Variants in VEGFC observed in about 807,000 individuals in gnomAD.
VEGFC encodes vascular endothelial growth factor C.
In VEGFC, 12 loss-of-function variants were observed where a neutral mutation model predicts 46.1. The ratio of observed to expected loss-of-function variants is 0.26; its 90% CI spans 0.17 to 0.42. The LOEUF (loss-of-function observed/expected upper bound fraction) is 0.42. Ranked by LOEUF, VEGFC falls within the 10% of genes least tolerant of loss-of-function variation. The pLI, the probability that VEGFC is intolerant of heterozygous loss-of-function variation, is 1.00. For synonymous variants in VEGFC, 232 were observed against 195.5 expected (o/e 1.19, Z -1.56); for missense variants, 488 against 529.4 (o/e 0.92, Z 0.77).
chr4:176,697,525 A>C (rs1212880301), intron 4 of VEGFC, among the ~76,000 whole-genome samples: 1 of 150,622 alleles, frequency 6.6e-6, no homozygotes, highest in Admixed American at 6.6e-5. Flanking sequence ...GAACACTTTT[A>C]CACTGTTGGT....
intron 1 of VEGFC, among the ~76,000 whole-genome samples, chr4:176,773,458 C>G (rs1181020366): frequency 6.6e-6 from 1 of 151,930 alleles, no homozygotes; most frequent in East Asian, 1.9e-4. Flanking sequence ...AGTGAAATCA[C>G]CAGAGAATGA....
chr4:176,788,497 A>G (rs1302976290), intron 1 of VEGFC, among the ~76,000 whole-genome samples: 1 of 152,210 alleles, frequency 6.6e-6, no homozygotes, highest in Non-Finnish European at 1.5e-5. Flanking sequence ...ACATTTCTCT[A>G]AAACATACAT....
At chr4:176,777,173 C>T (rs28432156) in intron 1 of VEGFC, among the ~76,000 whole-genome samples, 1,715 of 152,110 alleles carry the variant, frequency 0.011, 38 homozygotes, top group African/African-American at 0.038. Context: ...AAAAATTAGC[C>T]GGGCGTGGTG....
intron 1 of VEGFC, among the ~76,000 whole-genome samples, chr4:176,791,209 C>T (rs182508400): frequency 6.6e-6 from 1 of 152,142 alleles, no homozygotes; most frequent in Admixed American, 6.6e-5. Context: ...AAATAAACTA[C>T]CGCAGTATAG....
intron 3 of VEGFC, among the ~76,000 whole-genome samples, chr4:176,726,700 A>G (rs1180242000): frequency 6.6e-6 from 1 of 152,196 alleles, no homozygotes; most frequent in African/African-American, 2.4e-5. Flanking sequence ...TGAGATAGTA[A>G]TCTTAACTCT....
chr4:176,790,219 A>G (rs1736067520), intron 1 of VEGFC, among the ~76,000 whole-genome samples: 1 of 152,232 alleles, frequency 6.6e-6, no homozygotes, highest in South Asian at 2.1e-4. Context: ...TTAATGGAGC[A>G]ATGAAATACT....
At chr4:176,761,122 T>C (rs1437170259) in intron 1 of VEGFC, among the ~76,000 whole-genome samples, 1 of 152,170 alleles carries the variant, frequency 6.6e-6, no homozygotes, top group Non-Finnish European at 1.5e-5. Context: ...TGATTATAGA[T>C]CCTATACAAA....
chr4:176,739,006 C>A (rs907181692), intron 1 of VEGFC, among the ~76,000 whole-genome samples: 1 of 150,450 alleles, frequency 6.6e-6, no homozygotes, highest in African/African-American at 2.4e-5. Context: ...GGTATTTCTG[C>A]CTCTCAAAAG....
At chr4:176,687,731 T>C in intron 5 of VEGFC, 90 bp downstream of exon 5, 1 of 1,072,418 alleles carries the variant, frequency 9.3e-7, no homozygotes, top group Non-Finnish European at 1.4e-6. Flanking sequence ...AGAAGAATGA[T>C]GAATATTATA....
chr4:176,774,804 TATA>T lies in VEGFC; in HGVS notation c.147+17358_147+17360del, dbSNP rs200371494. Among the ~76,000 whole-genome samples, 636 of 36,492 alleles carry T rather than the reference TATA, an allele frequency of 0.017. 8 individuals are homozygous for T. The East Asian group carries it at 0.33, about 19-fold the overall frequency. 23.9% of individuals were successfully genotyped at this position (36,492 alleles called of 152,430 possible). The stretch of plus-strand genomic sequence containing the variant: ...TGCACATGTACCCTAAAACTTAAAG[TATA>T]ATAATAAAAAAAAAAAGAATGCAAA... On this transcript the variant is annotated intron_variant, in intron 1 of 6. Transcript: ENST00000618562.
At chr4:176,758,950 C>T (rs1735480851) in intron 1 of VEGFC, among the ~76,000 whole-genome samples, 1 of 152,104 alleles carries the variant, frequency 6.6e-6, no homozygotes, top group Non-Finnish European at 1.5e-5. Context: ...CATCCCACTG[C>T]CATCCAGGGC....
At chr4:176,709,503 G>A (rs1019289564) in intron 4 of VEGFC, among the ~76,000 whole-genome samples, 3 of 152,136 alleles carry the variant, frequency 2.0e-5, no homozygotes, top group Non-Finnish European at 4.4e-5. Context: ...CGTGGTATTC[G>A]GACAAGACAA....
intron 3 of VEGFC, among the ~76,000 whole-genome samples, chr4:176,717,753 T>C (rs955402371): frequency 6.6e-6 from 1 of 152,070 alleles, no homozygotes; most frequent in South Asian, 2.1e-4. Context: ...AGTACAGATA[T>C]ATGTACCCCC....
Position 176,711,659 on chromosome 4 carries a change from A to G in VEGFC, c.553-9T>C, listed in dbSNP as rs760621275. On this transcript the variant is annotated splice_polypyrimidine_tract_variant and intron_variant, in intron 3 of 6. Coordinates refer to ENST00000618562, the MANE Select transcript of VEGFC (RefSeq NM_005429.5). The stretch of plus-strand genomic sequence containing the variant: ...ACTGTAATTTCAAATAACTACAAAG[A>G]AGGGACAAAAAGAAGAAAAAATTAT... The G allele has an allele frequency of 6.2e-7, 1 of 1,611,026 alleles. No homozygotes were observed. The highest frequency in any genetic ancestry group is 8.5e-7 in the Non-Finnish European group (1 of 1,178,934).
intron 4 of VEGFC, among the ~76,000 whole-genome samples, chr4:176,694,085 A>C (rs1296567230): frequency 6.6e-6 from 1 of 151,686 alleles, no homozygotes; most frequent in Admixed American, 6.6e-5. Context: ...TGAGCAAAAT[A>C]ACCAGCTAAC....
At chr4:176,749,033 G>A (rs1735300904) in intron 1 of VEGFC, among the ~76,000 whole-genome samples, 1 of 151,988 alleles carries the variant, frequency 6.6e-6, no homozygotes, top group African/African-American at 2.4e-5. Context: ...TATAATGCAA[G>A]TCAATAATGC....
intron 4 of VEGFC, among the ~76,000 whole-genome samples, chr4:176,689,907 G>T (rs1191447040): frequency 6.6e-6 from 1 of 152,098 alleles, no homozygotes; most frequent in African/African-American, 2.4e-5. Context: ...CTTTTCTACA[G>T]GCATTATTAG....
chr4:176,687,469 T>A lies in VEGFC; in HGVS notation c.863A>T (p.Glu288Val). 1 of 1,613,590 alleles carries A rather than the reference T, an allele frequency of 6.2e-7. No homozygotes were observed. The highest frequency in any genetic ancestry group is 8.5e-7 in the Non-Finnish European group (1 of 1,179,782). ...DICGPNKELD[E>V]ETCQCVCRAG... ...TCTGCAGACACACTGACAGGTCTCT[T>A]CATCCAGCTCCTTGTTTGGTCCACA... The change falls in exon 6 of 7, where the codon GAA (glutamate) becomes GTA (valine). Residue 288 changes from glutamate (E) to valine (V), a missense_variant. Coordinates refer to ENST00000618562, the MANE Select transcript of VEGFC (RefSeq NM_005429.5).
rs1355609679 is a variant in VEGFC at position 176,717,640 on chromosome 4, CT to C, written c.553-5991del. Among the ~76,000 whole-genome samples the C allele has an allele frequency of 3.3e-5, 5 of 152,138 alleles. No individual in the cohort carries two copies. In the East Asian group the frequency reaches 9.6e-4, roughly 29 times the overall value. On this transcript the variant is annotated intron_variant, in intron 3 of 6. Transcript: ENST00000618562. The stretch of plus-strand genomic sequence containing the variant: ...CAAATATGACACAAAAAATGCCTTC[CT>C]TTAAAACACCATTATATCCTAAATA...
Sources: allele counts gnomAD v4.1 joint callset (sites outside exome capture counted in the v4.1 genomes callset), GRCh38; gene constraint gnomAD v4.1.1; transcripts MANE v1.5; gene names NCBI Gene and HGNC (gene_info 2026-07-23, HGNC 2026-07-21).